Variants in ADARB2 observed in about 807,000 individuals in gnomAD.
The protein encoded by ADARB2 is adenosine deaminase RNA specific B2 (inactive), also known as inactive double-stranded RNA-specific editase B2.
In ADARB2, 25 loss-of-function variants were observed where a neutral mutation model predicts 62.2. The ratio of observed to expected loss-of-function variants is 0.40; its 90% CI spans 0.29 to 0.56. ADARB2 has a LOEUF of 0.56. Ranked by LOEUF, ADARB2 falls within the 20% of genes least tolerant of loss-of-function variation. The pLI is 0.43. For missense variants in ADARB2, 1,071 were observed against 1,077.4 expected (o/e 0.99, Z 0.08); for synonymous variants, 572 against 500.8 (o/e 1.14, Z -1.90).
At chr10:1,572,230 GGCAGGTGAGTAT>G (rs891165828) in intron 1 of ADARB2, among the ~76,000 whole-genome samples, 22 of 149,124 alleles carry the variant, frequency 1.5e-4, no homozygotes, top group Admixed American at 2.7e-4. Flanking sequence ...CAAGTGAGTA[GGCAGGTGAGTAT>G]GCAGGTGAGT....
At chr10:1,418,796 C>A (rs1832827710) in intron 1 of ADARB2, among the ~76,000 whole-genome samples, 1 of 147,948 alleles carries the variant, frequency 6.8e-6, no homozygotes. Flanking sequence ...ATACATCAAG[C>A]CTTTCAAAGT....
intron 6 of ADARB2, among the ~76,000 whole-genome samples, chr10:1,231,524 C>T (rs1263259158): frequency 6.6e-6 from 1 of 152,134 alleles, no homozygotes; most frequent in Non-Finnish European, 1.5e-5. Flanking sequence ...TGTGGGGCCA[C>T]ACTGGGCTCC....
chr10:1,227,343 C>G (rs928213586), intron 6 of ADARB2, among the ~76,000 whole-genome samples: 2 of 152,212 alleles, frequency 1.3e-5, no homozygotes, highest in African/African-American at 4.8e-5. Flanking sequence ...TTCCATGACC[C>G]CTTGCGCTTC....
At chr10:1,639,216 A>AGCTGACCGCATCCAGGAG (rs1426262032) in intron 1 of ADARB2, among the ~76,000 whole-genome samples, 2 of 152,110 alleles carry the variant, frequency 1.3e-5, no homozygotes, top group South Asian at 4.1e-4. Flanking sequence ...GCATCCAGGA[A>AGCTGACCGCATCCAGGAG]GCTGACCGCA....
intron 1 of ADARB2, among the ~76,000 whole-genome samples, chr10:1,476,152 G>T (rs1045028135): frequency 6.6e-6 from 1 of 152,174 alleles, no homozygotes; most frequent in African/African-American, 2.4e-5. Flanking sequence ...GAGAAAAAAG[G>T]AAGAGAGAGA....
chr10:1,247,054 T>A (rs1216305551), intron 4 of ADARB2, among the ~76,000 whole-genome samples: 1 of 152,218 alleles, frequency 6.6e-6, no homozygotes, highest in Non-Finnish European at 1.5e-5. Context: ...TTCACATCCC[T>A]TGTAAGTTGG....
intron 1 of ADARB2, among the ~76,000 whole-genome samples, chr10:1,645,356 G>T (rs2119064150): frequency 6.6e-6 from 1 of 152,330 alleles, no homozygotes; most frequent in East Asian, 1.9e-4. Context: ...GATGGACCAG[G>T]GTAGAGATGC....
At position 1,345,087 on chromosome 10, in the gene ADARB2, G is replaced by A. The variant is rs542414964; in HGVS notation, c.1077+17941C>T. ...AGGAGGGCACGTGGAGGGAACCGCCGCAGCCTCGGGTGTGAGCCAGGAGGG... is the reference window on the plus strand; with the variant it reads ...AGGAGGGCACGTGGAGGGAACCGCCACAGCCTCGGGTGTGAGCCAGGAGGG... On this transcript the variant is annotated intron_variant, in intron 3 of 9. Coordinates refer to ENST00000381312, the MANE Select transcript of ADARB2 (RefSeq NM_018702.4). Among the ~76,000 whole-genome samples, 20 of 151,548 alleles carry A rather than the reference G, an allele frequency of 1.3e-4. 1 individual carries two copies. The South Asian group carries it at 2.9e-3, about 22-fold the overall frequency.
At chr10:1,479,617 G>A (rs1392594293) in intron 1 of ADARB2, among the ~76,000 whole-genome samples, 1 of 152,244 alleles carries the variant, frequency 6.6e-6, no homozygotes, top group Non-Finnish European at 1.5e-5. Context: ...TGGGCGTATG[G>A]AGGGCAGAGC....
intron 7 of ADARB2, among the ~76,000 whole-genome samples, chr10:1,206,362 AGAACTGGGGCGTCTCCTT>A (rs1467609469): frequency 4.9e-4 from 74 of 151,882 alleles, no homozygotes; most frequent in African/African-American, 1.6e-3. Flanking sequence ...TGCGTCTGAG[AGAACTGGGGCGTCTCCTT>A]GAACTGGGAC....
chr10:1,593,200 C>T (rs1375296094), intron 1 of ADARB2, among the ~76,000 whole-genome samples: 1 of 102,650 alleles, frequency 9.7e-6, no homozygotes, highest in African/African-American at 4.6e-5. Context: ...TCACCCAGCT[C>T]CCTTCGCCCA....
chr10:1,489,508 GT>G (rs1285940672), intron 1 of ADARB2, among the ~76,000 whole-genome samples: 1 of 152,234 alleles, frequency 6.6e-6, no homozygotes, highest in African/African-American at 2.4e-5. Context: ...CACTTAATGT[GT>G]TGCCCATTAG....
chr10:1,570,996 G>T (rs549739110), intron 1 of ADARB2, among the ~76,000 whole-genome samples: 5 of 152,264 alleles, frequency 3.3e-5, no homozygotes, highest in African/African-American at 1.2e-4. Context: ...CTGCCTCCCA[G>T]ACAAAACCTG....
chr10:1,298,164 A>T (rs1273212319), intron 3 of ADARB2, among the ~76,000 whole-genome samples: 1 of 152,222 alleles, frequency 6.6e-6, no homozygotes, highest in African/African-American at 2.4e-5. Context: ...CAGGCAGCAA[A>T]CGAAACGGAC....
chr10:1,576,169 T>TCC (rs1833018583), intron 1 of ADARB2, among the ~76,000 whole-genome samples: 3 of 60,320 alleles, frequency 5.0e-5, no homozygotes, highest in East Asian at 4.4e-4. Context: ...GGAGGGGGGT[T>TCC]CAGGGTCACA....
chr10:1,697,382 T>C (rs11250741), intron 1 of ADARB2, among the ~76,000 whole-genome samples: 4,679 of 152,252 alleles, frequency 0.031, 145 homozygotes, highest in East Asian at 0.16. Flanking sequence ...AAGTCAGTAG[T>C]GTGAACATTG....
chr10:1,385,541 A>G (rs1832518496), intron 1 of ADARB2, among the ~76,000 whole-genome samples: 1 of 151,124 alleles, frequency 6.6e-6, no homozygotes, highest in Non-Finnish European at 1.5e-5. Context: ...GTCACTTTGC[A>G]AAACATATCA....
chr10:1,588,540 C>T lies in ADARB2; in HGVS notation c.100+148511G>A, dbSNP rs12249973. 3.3e-3 allele frequency among the ~76,000 whole-genome samples: 506 copies of T among 152,282 alleles called. 4 individuals are homozygous for T. Among genetic ancestry groups the T allele is most frequent in the African/African-American group, 0.011 (476 of 41,558 alleles). On this transcript the variant is annotated intron_variant, in intron 1 of 9. Transcript: ENST00000381312. Reference sequence around the variant, plus strand: ...GAGGATTTGCTGGTGAACAATCAAACGCAGAAAGATGGCACCAAGAGTCAC... The same window carrying T: ...GAGGATTTGCTGGTGAACAATCAAATGCAGAAAGATGGCACCAAGAGTCAC...
intron 1 of ADARB2, among the ~76,000 whole-genome samples, chr10:1,455,733 TAC>T (rs1831087909): frequency 6.6e-6 from 1 of 152,244 alleles, no homozygotes; most frequent in African/African-American, 2.4e-5. Flanking sequence ...TCTTCATGGA[TAC>T]AGATTCATTT....
Sources: gnomAD v4.1 joint callset for allele counts (sites outside exome capture counted in the v4.1 genomes callset) on GRCh38, gnomAD v4.1.1 for gene constraint, MANE v1.5 for transcripts, NCBI Gene and HGNC (gene_info 2026-07-23, HGNC 2026-07-21) for gene names.